The following PAK5 variants were observed in gnomAD, a reference collection of about 807,000 sequenced individuals.
PAK5 encodes p21 (RAC1) activated kinase 5, also known as serine/threonine-protein kinase PAK 5.
In PAK5, 16 loss-of-function variants were observed where a neutral mutation model predicts 65.9. The ratio of observed to expected loss-of-function variants is 0.24; its 90% CI spans 0.16 to 0.37. PAK5 has a LOEUF of 0.37. PAK5 is among the 10% of genes least tolerant of loss of function. PAK5 has a pLI of 1.00. For synonymous variants in PAK5, 371 were observed against 354.9 expected, an observed-to-expected ratio of 1.05 and a Z score of -0.51; for missense variants, 785 against 903.9, an observed-to-expected ratio of 0.87 and a Z score of 1.69.
intron 4 of PAK5, chr20:9,577,629 G>C (rs924704563): frequency 1.3e-5 from 2 of 152,204 alleles, no homozygotes; most frequent in African/African-American, 4.8e-5. Context: ...AAAGACACAG[G>C]CACCTCCGTC....
intron 3 of PAK5, among the ~76,000 whole-genome samples, chr20:9,596,449 AC>A (rs1477936759): frequency 5.3e-5 from 8 of 152,042 alleles, no homozygotes; most frequent in Non-Finnish European, 1.2e-4. Flanking sequence ...ATCCTGGCTA[AC>A]ACAGTGAAAC....
intron 1 of PAK5, among the ~76,000 whole-genome samples, chr20:9,746,367 C>T (rs2048508178): frequency 1.3e-5 from 2 of 152,110 alleles, no homozygotes; most frequent in African/African-American, 4.8e-5. Context: ...TCGAGCTGAA[C>T]CAGAAAAGCC....
chr20:9,806,522 C>CTGTAACTCACTGTATTT (rs1479044722), intron 1 of PAK5, among the ~76,000 whole-genome samples: 1 of 152,178 alleles, frequency 6.6e-6, no homozygotes, highest in East Asian at 1.9e-4. Flanking sequence ...TCCCTTATTT[C>CTGTAACTCACTGTATTT]TGTAACTCAC....
At position 9,623,084 on chromosome 20, in the gene PAK5, A is replaced by G. The variant is rs528249759; in HGVS notation, c.204+21041T>C. On this transcript the variant is annotated intron_variant, in intron 3 of 9. Coordinates refer to ENST00000353224, the MANE Select transcript of PAK5 (RefSeq NM_177990.4). ...ATCAACATCTAGGAGTTAGGGAAAT[A>G]AAAGTATTTCAAAGTCTCTGTGTCA... Among the ~76,000 whole-genome samples the G allele has an allele frequency of 3.9e-5, 6 of 152,364 alleles. No individual in the cohort carries two copies. In the East Asian group the frequency reaches 1.2e-3, roughly 29 times the overall value.
At chr20:9,615,775 A>T (rs1418431152) in intron 3 of PAK5, among the ~76,000 whole-genome samples, 2 of 152,212 alleles carry the variant, frequency 1.3e-5, no homozygotes. Flanking sequence ...CTGGGGCTGC[A>T]GCCACCTGAG....
At chr20:9,768,566 T>C (rs1174878630) in intron 1 of PAK5, among the ~76,000 whole-genome samples, 1 of 152,088 alleles carries the variant, frequency 6.6e-6, no homozygotes, top group Non-Finnish European at 1.5e-5. Context: ...GTGGATCACT[T>C]GAGATGAGGA....
rs2045282770 is a variant in PAK5 at position 9,542,578 on chromosome 20, T to C, written c.2004+8A>G. The C allele has an allele frequency of 6.2e-7, 1 of 1,614,108 alleles. No individual in the cohort carries two copies. Among genetic ancestry groups the C allele is most frequent in the Middle Eastern group, 1.7e-4 (1 of 6,060 alleles). On this transcript the variant is annotated splice_region_variant and intron_variant, in intron 9 of 9. Coordinates refer to ENST00000353224, the MANE Select transcript of PAK5 (RefSeq NM_177990.4). ...TTCTGAACTTTAGCAACAGCTGCTG[T>C]TTCTCACCTTGTGTAGGTCCTTCAC...
chr20:9,539,966 G>A (rs890844668), intron 9 of PAK5, among the ~76,000 whole-genome samples: 3 of 152,152 alleles, frequency 2.0e-5, no homozygotes, highest in African/African-American at 7.2e-5. Context: ...GTATAAACAG[G>A]GAGCCGTTTT....
intron 1 of PAK5, among the ~76,000 whole-genome samples, chr20:9,766,409 ATATATATG>A (rs1372659943): frequency 0.032 from 1,239 of 38,200 alleles, 186 homozygotes; most frequent in Non-Finnish European, 0.036. Context: ...TTCAAGCAGA[ATATATATG>A]TATATATATA....
chr20:9,727,830 T>C (rs2048293278), intron 1 of PAK5, among the ~76,000 whole-genome samples: 1 of 152,190 alleles, frequency 6.6e-6, no homozygotes, highest in Non-Finnish European at 1.5e-5. Context: ...CCGTGTCCTG[T>C]GTACATGTTC....
chr20:9,805,638 A>T (rs1034289373), intron 1 of PAK5, among the ~76,000 whole-genome samples: 1 of 152,204 alleles, frequency 6.6e-6, no homozygotes, highest in South Asian at 2.1e-4. Context: ...CACATACTCC[A>T]TTTATATTAG....
intron 1 of PAK5, among the ~76,000 whole-genome samples, chr20:9,774,772 T>C (rs1249426740): frequency 6.6e-6 from 1 of 151,224 alleles, no homozygotes; most frequent in Non-Finnish European, 1.5e-5. Flanking sequence ...TGAAACCCCG[T>C]CTCTACTAAC....
At chr20:9,540,624 G>A (rs553775589) in intron 9 of PAK5, among the ~76,000 whole-genome samples, 58 of 152,138 alleles carry the variant, frequency 3.8e-4, no homozygotes, top group African/African-American at 1.3e-3. Context: ...ACCTCGGACT[G>A]GTTTCCAGTT....
chr20:9,722,322 T>C (rs6086998), intron 1 of PAK5, among the ~76,000 whole-genome samples: 52,337 of 151,890 alleles, frequency 0.34, 9,950 homozygotes, highest in South Asian at 0.53. Flanking sequence ...AAAAGAGTGG[T>C]ATAAAAACAA....
chr20:9,617,430 T>C (rs1258767747), intron 3 of PAK5, among the ~76,000 whole-genome samples: 1 of 152,238 alleles, frequency 6.6e-6, no homozygotes, highest in East Asian at 1.9e-4. Flanking sequence ...AGTTGGTTAA[T>C]GTAATGACAT....
intron 2 of PAK5, among the ~76,000 whole-genome samples, chr20:9,691,595 A>G (rs1467410556): frequency 2.0e-5 from 3 of 152,182 alleles, no homozygotes; most frequent in Non-Finnish European, 2.9e-5. Flanking sequence ...AAATTTGTGA[A>G]GACATCATGG....
intron 1 of PAK5, among the ~76,000 whole-genome samples, chr20:9,768,316 C>G (rs2048792743): frequency 6.6e-6 from 1 of 151,824 alleles, no homozygotes. Context: ...TGGACATAAA[C>G]ATAGGAACGA....
At chr20:9,715,433 T>A (rs1018401528) in intron 1 of PAK5, among the ~76,000 whole-genome samples, 4 of 152,082 alleles carry the variant, frequency 2.6e-5, no homozygotes, top group African/African-American at 9.7e-5. Flanking sequence ...TAGGAACACT[T>A]TTACACTGTT....
chr20:9,837,248 A>C (rs1979223875), intron 1 of PAK5, among the ~76,000 whole-genome samples: 1 of 152,206 alleles, frequency 6.6e-6, no homozygotes, highest in Non-Finnish European at 1.5e-5. Context: ...ATTCCAAGTC[A>C]AGGTATTATC....
Sources: gnomAD v4.1 joint callset for allele counts (sites outside exome capture counted in the v4.1 genomes callset) on GRCh38, gnomAD v4.1.1 for gene constraint, MANE v1.5 for transcripts, NCBI Gene and HGNC (gene_info 2026-07-23, HGNC 2026-07-21) for gene names.